Variants in TTBK2 observed in about 807,000 individuals in gnomAD.
The protein encoded by TTBK2 is tau tubulin kinase 2, also known as tau-tubulin kinase 2.
TTBK2 carries 28 observed loss-of-function variants against 110.8 expected under a neutral mutation model. The ratio of observed to expected loss-of-function variants is 0.25; its 90% CI spans 0.19 to 0.35. The LOEUF (loss-of-function observed/expected upper bound fraction) is 0.35, where lower values mean the gene tolerates loss of function less well. Ranked by LOEUF, TTBK2 falls within the 10% of genes least tolerant of loss-of-function variation. The pLI is 1.00. For missense variants in TTBK2, 1,369 were observed against 1,500.3 expected, an observed-to-expected ratio of 0.91 and a Z score of 1.45; for synonymous variants, 532 against 527.3, an observed-to-expected ratio of 1.01 and a Z score of -0.12.
intron 3 of TTBK2, among the ~76,000 whole-genome samples, chr15:42,841,416 G>A (rs1893215076): frequency 6.6e-6 from 1 of 151,950 alleles, no homozygotes; most frequent in South Asian, 2.1e-4. Flanking sequence ...TTACCATATT[G>A]CCCAGGCTGG....
chr15:42,892,936 G>C (rs1412346726), intron 1 of TTBK2, among the ~76,000 whole-genome samples: 1 of 150,554 alleles, frequency 6.6e-6, no homozygotes, highest in Admixed American at 6.6e-5. Context: ...TCTGGAACCC[G>C]GGAGGCGGAG....
intron 2 of TTBK2, among the ~76,000 whole-genome samples, chr15:42,874,183 G>C (rs1894718992): frequency 6.6e-6 from 1 of 152,284 alleles, no homozygotes; most frequent in South Asian, 2.1e-4. Context: ...CCTTTTCAAA[G>C]AGATGGCCAT....
intron 3 of TTBK2, among the ~76,000 whole-genome samples, chr15:42,861,586 T>A (rs999847391): frequency 6.6e-6 from 1 of 152,044 alleles, no homozygotes; most frequent in South Asian, 2.1e-4. Context: ...TGGGATGCAG[T>A]TAAAGCAATG....
chr15:42,881,687 CATGG>C (rs1390695511), intron 1 of TTBK2, among the ~76,000 whole-genome samples: 1 of 151,952 alleles, frequency 6.6e-6, no homozygotes, highest in Non-Finnish European at 1.5e-5. Flanking sequence ...GCCTGGCCAA[CATGG>C]TGAAACCCCA....
At chr15:42,914,875 T>C (rs2030990382) in intron 1 of TTBK2, among the ~76,000 whole-genome samples, 1 of 152,228 alleles carries the variant, frequency 6.6e-6, no homozygotes, top group South Asian at 2.1e-4. Flanking sequence ...TAAATGCTCA[T>C]GTCTGCATCT....
chr15:42,785,024 C>T (rs938356300), intron 10 of TTBK2, among the ~76,000 whole-genome samples: 4 of 151,772 alleles, frequency 2.6e-5, no homozygotes, highest in South Asian at 2.1e-4. Context: ...AATCAACTTT[C>T]GCAGTGCCAT....
chr15:42,878,610 C>T lies in TTBK2; in HGVS notation c.8G>A (p.Gly3Glu), dbSNP rs757263967. 2 of 1,613,728 alleles carry T rather than the reference C, an allele frequency of 1.2e-6. No individual in the cohort carries two copies. The highest frequency in any genetic ancestry group is 1.7e-6 in the Non-Finnish European group (2 of 1,179,970). The change falls in exon 2 of 15, where the codon GGG becomes GAG. Residue 3 changes from glycine (G) to glutamate (E), a missense_variant. By Grantham distance (98) the Gly-to-Glu change is moderately conservative. Coordinates refer to ENST00000267890, the MANE Select transcript of TTBK2 (RefSeq NM_173500.4). ...CAGGATATCCAGCTGCTCTCCTCCCCCACTCATTGCAATACACTGATATGG... is the reference window on the plus strand; with the variant it reads ...CAGGATATCCAGCTGCTCTCCTCCCTCACTCATTGCAATACACTGATATGG... MS[G>E]GGEQLDILSV...
chr15:42,773,599 A>G (rs1432162823), intron 13 of TTBK2, among the ~76,000 whole-genome samples: 1 of 152,242 alleles, frequency 6.6e-6, no homozygotes, highest in Non-Finnish European at 1.5e-5. Context: ...TAAATAGGAC[A>G]GCGTCGAGAG....
rs549663567 is a variant in TTBK2, at chr15:42,763,117, T to C, written c.1999-9870A>G. On this transcript the variant is annotated intron_variant, in intron 13 of 14. Coordinates refer to ENST00000267890, the MANE Select transcript of TTBK2 (RefSeq NM_173500.4). ...ATATATATATACGTATATATATATATACACATATATATACATATATACATA... is the reference window on the plus strand; with the variant it reads ...ATATATATATACGTATATATATATACACACATATATATACATATATACATA... 3.9e-3 allele frequency among the ~76,000 whole-genome samples: 427 copies of C among 108,116 alleles called. 14 individuals are homozygous for C. The highest frequency in any genetic ancestry group is 0.012 in the African/African-American group (270 of 22,484). 70.9% of individuals were successfully genotyped at this position (108,116 alleles called of 152,430 possible).
intron 3 of TTBK2, among the ~76,000 whole-genome samples, chr15:42,870,532 G>T (rs1041545951): frequency 6.6e-6 from 1 of 151,718 alleles, no homozygotes; most frequent in Non-Finnish European, 1.5e-5. Context: ...TTAGGGGTGG[G>T]CTAATTCATC....
chr15:42,881,303 A>C (rs1895038128), intron 1 of TTBK2, among the ~76,000 whole-genome samples: 1 of 151,226 alleles, frequency 6.6e-6, no homozygotes, highest in Non-Finnish European at 1.5e-5. Context: ...AAAAAAAAAA[A>C]AAAATCAACA....
At chr15:42,827,900 T>C in intron 6 of TTBK2, 28 bp downstream of exon 6, 1 of 1,561,654 alleles carries the variant, frequency 6.4e-7, no homozygotes, top group Non-Finnish European at 8.8e-7. Flanking sequence ...AATTATCAAA[T>C]ATTTGATAAT....
At position 42,810,747 on chromosome 15, in the gene TTBK2, G is replaced by A; in HGVS notation, c.697-8C>T. 6.2e-7 allele frequency: 1 copy of A among 1,613,442 alleles called. No homozygotes were observed. Among genetic ancestry groups the A allele is most frequent in the Non-Finnish European group, 8.5e-7 (1 of 1,179,754 alleles). On this transcript the variant is annotated splice_polypyrimidine_tract_variant and splice_region_variant and intron_variant, in intron 8 of 14. Transcript: ENST00000267890. ...AATAGAGCCTACTTGCTCCTGGGAA[G>A]TAAAGAGAAAAAGAGCTACAGTCAA...
At chr15:42,803,040 C>A (rs989973746) in intron 9 of TTBK2, among the ~76,000 whole-genome samples, 1 of 152,184 alleles carries the variant, frequency 6.6e-6, no homozygotes, top group African/African-American at 2.4e-5. Context: ...TGCTCCTCAG[C>A]CCGCAGACGG....
intron 3 of TTBK2, among the ~76,000 whole-genome samples, chr15:42,862,944 C>T (rs569973931): frequency 2.0e-5 from 3 of 152,116 alleles, no homozygotes; most frequent in East Asian, 1.9e-4. Flanking sequence ...CTATGACAAA[C>T]CCACAGCCAA....
intron 8 of TTBK2, 51 bp from the exon 9 acceptor site, chr15:42,810,790 G>A: frequency 6.2e-7 from 1 of 1,606,026 alleles, no homozygotes. Flanking sequence ...TGGTGGTTAG[G>A]CATTAAGAGC....
chr15:42,919,131 A>G (rs2141228409), intron 1 of TTBK2, among the ~76,000 whole-genome samples: 1 of 152,318 alleles, frequency 6.6e-6, no homozygotes, highest in Non-Finnish European at 1.5e-5. Flanking sequence ...AGGAAAACAT[A>G]AGCTTCTAAA....
intron 1 of TTBK2, among the ~76,000 whole-genome samples, chr15:42,910,248 A>G (rs1179577630): frequency 6.6e-6 from 1 of 152,162 alleles, no homozygotes; most frequent in East Asian, 1.9e-4. Flanking sequence ...AGAGAGTAGA[A>G]GAGTGCCCCA....
chr15:42,905,040 T>G (rs2030299553), intron 1 of TTBK2, among the ~76,000 whole-genome samples: 1 of 151,386 alleles, frequency 6.6e-6, no homozygotes, highest in Non-Finnish European at 1.5e-5. Flanking sequence ...CCCGCCTAAT[T>G]TTTGTATTTT....
Sources: gnomAD v4.1 joint callset for allele counts (sites outside exome capture counted in the v4.1 genomes callset) on GRCh38, gnomAD v4.1.1 for gene constraint, MANE v1.5 for transcripts, NCBI Gene and HGNC (gene_info 2026-07-23, HGNC 2026-07-21) for gene names.